ZXDC: variants seen among roughly 807,000 people sequenced by gnomAD.
ZXDC encodes the protein ZXD family zinc finger C.
ZXDC carries 58 observed loss-of-function variants against 63.6 expected under a neutral mutation model. That is an observed-to-expected ratio of 0.91 (90% CI 0.74 to 1.13). ZXDC has a LOEUF of 1.13. ZXDC is among the 50% of genes most tolerant of loss of function. The pLI is 0.00. For missense variants in ZXDC, 1,133 were observed against 1,148.9 expected (o/e 0.99, Z 0.20); for synonymous variants, 561 against 496.1 (o/e 1.13, Z -1.74).
rs116783211 is a variant in ZXDC, at chr3:126,468,881, G to T, written c.1270+2014C>A. The stretch of plus-strand genomic sequence containing the variant: ...CACCACCCCCACTGTGCTGTTGCTG[G>T]TCCTGCCAGTACCCGTCCCAGCCAC... On this transcript the variant is annotated intron_variant, in intron 4 of 9. Coordinates refer to ENST00000389709, the MANE Select transcript of ZXDC (RefSeq NM_025112.5). 2.9e-3 allele frequency among the ~76,000 whole-genome samples: 444 copies of T among 152,276 alleles called. 3 individuals carry two copies. The highest frequency in any genetic ancestry group is 0.01 in the African/African-American group (426 of 41,542).
chr3:126,439,545 A>T (rs1933591649), intron 9 of ZXDC, 87 bp downstream of exon 9: 6 of 1,548,622 alleles, frequency 3.9e-6, no homozygotes, highest in African/African-American at 1.4e-5. Flanking sequence ...CTCAGTGACC[A>T]GCCTGCAGCT....
rs1935137914 is a variant in ZXDC, at chr3:126,475,162, A to C, written c.704T>G (p.Leu235Arg). 2 of 1,604,930 alleles carry C rather than the reference A, an allele frequency of 1.2e-6. No homozygotes were observed. The highest frequency in any genetic ancestry group is 2.2e-5 in the South Asian group (2 of 89,494). The change falls in exon 1 of 10, where the codon CTG (leucine) becomes CGG (arginine). Residue 235 changes from leucine to arginine, a missense_variant. Coordinates refer to ENST00000389709, the MANE Select transcript of ZXDC (RefSeq NM_025112.5). ...GCCCACTGGACAGCCGAAGGGCCGC[A>C]GCTTGTCGTGCGACTGCAGGTGCCG... is the stretch of plus-strand genomic sequence containing the variant. ...LKRHLQSHDKLRPFGCPVGGC... is the reference protein window; with the variant it reads ...LKRHLQSHDKRRPFGCPVGGC...
Position 126,475,329 on chromosome 3 carries a change from C to A in ZXDC, c.537G>T (p.Glu179Asp). 1 of 1,541,252 alleles carries A rather than the reference C, an allele frequency of 6.5e-7. No homozygotes were observed. Among genetic ancestry groups the A allele is most frequent in the Non-Finnish European group, 8.8e-7 (1 of 1,142,068 alleles). Residue 179 changes from glutamate to aspartate, a missense_variant, in exon 1 of 10, where the codon GAG (glutamate) becomes GAT (aspartate). Glu to Asp is a conservative substitution (Grantham distance 45). Coordinates refer to ENST00000389709, the MANE Select transcript of ZXDC (RefSeq NM_025112.5). ...TGGCGAAGGCCAGCGCGCACTGCGG[C>A]TCGGGGCAGCGGTAGCCGGGCGTGC... ...GPSTPGYRCPEPQCALAFAKK... is the reference protein window; with the variant it reads ...GPSTPGYRCPDPQCALAFAKK...
chr3:126,474,868 A>C, intron 1 of ZXDC, 91 bp downstream of exon 1: 1 of 1,388,632 alleles, frequency 7.2e-7, no homozygotes, highest in South Asian at 1.5e-5. Context: ...CGGCTTGCTA[A>C]GGTCTGGCAG....
chr3:126,442,032 C>T, intron 7 of ZXDC, 86 bp from the exon 8 acceptor site: 1 of 1,378,882 alleles, frequency 7.3e-7, no homozygotes, highest in African/African-American at 1.5e-5. Flanking sequence ...ATGGGGAAGA[C>T]AGCCTTCCCA....
chr3:126,474,839 C>A (rs1935118907), intron 1 of ZXDC, 120 bp downstream of exon 1: 1 of 1,203,820 alleles, frequency 8.3e-7, no homozygotes, highest in Non-Finnish European at 1.1e-6. Flanking sequence ...GAATACAAAT[C>A]CCGAAGAGCC....
intron 1 of ZXDC, 53 bp from the exon 2 acceptor site, chr3:126,472,358 A>G: frequency 6.3e-7 from 1 of 1,586,416 alleles, no homozygotes; most frequent in Admixed American, 1.7e-5. Context: ...ATTATACAAC[A>G]TAGCTAATGC....
chr3:126,455,478 G>C (rs1934270485), intron 7 of ZXDC, among the ~76,000 whole-genome samples: 1 of 152,110 alleles, frequency 6.6e-6, no homozygotes, highest in Non-Finnish European at 1.5e-5. Flanking sequence ...AAAGAAACCA[G>C]GGCTCTCTGG....
At position 126,475,678 on chromosome 3, in the gene ZXDC, G is replaced by T; in HGVS notation, c.188C>A (p.Pro63Gln). The T allele has an allele frequency of 1.4e-6, 2 of 1,397,766 alleles. No homozygotes were observed. Among genetic ancestry groups the T allele is most frequent in the Non-Finnish European group, 1.9e-6 (2 of 1,071,782 alleles). 86.6% of individuals were successfully genotyped at this position (1,397,766 alleles called of 1,614,324 possible). A position where few individuals can be genotyped will look rare whatever the true frequency, so the allele number is the denominator to read the frequency against. Residue 63 changes from proline to glutamine, a missense_variant, in exon 1 of 10, where the codon CCG becomes CAG. Coordinates refer to ENST00000389709, the MANE Select transcript of ZXDC (RefSeq NM_025112.5). Reference protein sequence around the residue: ...ARPGEASGPSPPPAEDDSDGD... With the variant: ...ARPGEASGPSQPPAEDDSDGD... Reference sequence around the variant, plus strand: ...GTCGCTGTCGTCCTCGGCGGGCGGCGGGCTTGGCCCGGAGGCCTCCCCGGG... The same window carrying T: ...GTCGCTGTCGTCCTCGGCGGGCGGCTGGCTTGGCCCGGAGGCCTCCCCGGG...
intron 7 of ZXDC, among the ~76,000 whole-genome samples, chr3:126,448,403 T>C (rs542443408): frequency 4.6e-5 from 7 of 152,180 alleles, no homozygotes; most frequent in African/African-American, 1.2e-4. Context: ...AAACCCACAA[T>C]AGATGAGCAA....
rs960674822 is a variant in ZXDC at position 126,471,009 on chromosome 3, G to T, written c.1156C>A (p.Arg386=). Residue 386 remains arginine (R), a synonymous_variant, in exon 4 of 10, where the codon CGG becomes AGG. Coordinates refer to ENST00000389709, the MANE Select transcript of ZXDC (RefSeq NM_025112.5). ...LRHRRKHDDD[R]RFTCPVEGCG... is the part of the protein sequence containing the mutation. ...CCCTCGACAGGGCAGGTAAACCTCCGGTCATCGTCATGTTTCCTGCCAGAC... is the reference window on the plus strand; with the variant it reads ...CCCTCGACAGGGCAGGTAAACCTCCTGTCATCGTCATGTTTCCTGCCAGAC... The T allele has an allele frequency of 6.2e-7, 1 of 1,613,990 alleles. No homozygotes were observed. Among genetic ancestry groups the T allele is most frequent in the Non-Finnish European group, 8.5e-7 (1 of 1,179,896 alleles).
At chr3:126,440,881 A>G (rs1358015294) in intron 8 of ZXDC, 3 of 984,640 alleles carry the variant, frequency 3.0e-6, no homozygotes, top group Non-Finnish European at 2.4e-6. Context: ...CCTTGGCGAG[A>G]CTCTCCCAGG....
chr3:126,459,501 T>G, intron 7 of ZXDC, 152 bp downstream of exon 7: 1 of 1,479,014 alleles, frequency 6.8e-7, no homozygotes, highest in Non-Finnish European at 8.9e-7. Flanking sequence ...TTCCCTTAAG[T>G]TCAAATAAAA....
intron 6 of ZXDC, 59 bp from the exon 7 acceptor site, chr3:126,459,796 G>A (rs1934450393): frequency 4.3e-6 from 7 of 1,613,540 alleles, no homozygotes; most frequent in Non-Finnish European, 5.9e-6. Context: ...GGGTAGCAAG[G>A]GAGCTACAGA....
intron 7 of ZXDC, among the ~76,000 whole-genome samples, chr3:126,450,870 C>T (rs1027131956): frequency 2.0e-5 from 3 of 152,260 alleles, no homozygotes; most frequent in South Asian, 2.1e-4. Context: ...TCACCCTCTG[C>T]CCATAGGGGC....
chr3:126,464,734 G>C (rs1371455262), intron 5 of ZXDC, among the ~76,000 whole-genome samples: 1 of 152,142 alleles, frequency 6.6e-6, no homozygotes, highest in African/African-American at 2.4e-5. Context: ...AAGTGATGTA[G>C]TCTCACAGAG....
chr3:126,469,964 G>C (rs987392451), intron 4 of ZXDC, among the ~76,000 whole-genome samples: 2 of 152,198 alleles, frequency 1.3e-5, no homozygotes, highest in African/African-American at 2.4e-5. Flanking sequence ...CAGAGAAGCA[G>C]CTTGACTGAG....
chr3:126,466,500 C>G (rs1251787903), intron 4 of ZXDC, among the ~76,000 whole-genome samples, 175 bp from the exon 5 acceptor site: 1 of 152,112 alleles, frequency 6.6e-6, no homozygotes, highest in Non-Finnish European at 1.5e-5. Flanking sequence ...AAGTCAAAAG[C>G]AAACTGTTTT....
At chr3:126,455,456 C>T (rs745340947) in intron 7 of ZXDC, among the ~76,000 whole-genome samples, 6 of 152,062 alleles carry the variant, frequency 3.9e-5, no homozygotes, top group Non-Finnish European at 7.3e-5. Flanking sequence ...TTCTATATAC[C>T]ATCCTCTAAC....
Sources: gnomAD v4.1 joint callset for allele counts (sites outside exome capture counted in the v4.1 genomes callset) on GRCh38, gnomAD v4.1.1 for gene constraint, MANE v1.5 for transcripts, NCBI Gene and HGNC (gene_info 2026-07-23, HGNC 2026-07-21) for gene names.